Variants in TLK1 observed in about 807,000 individuals in gnomAD.
The protein encoded by TLK1 is tousled like kinase 1, also known as serine/threonine-protein kinase tousled-like 1.
A neutral mutation model predicts 105.3 loss-of-function variants in TLK1; 24 were observed. That is an observed-to-expected ratio of 0.23 (90% CI 0.17 to 0.32). The LOEUF (loss-of-function observed/expected upper bound fraction) is 0.32. Among genes scored for constraint, TLK1 ranks in the 10% least tolerant of loss-of-function variants. The probability of loss-of-function intolerance (pLI) is 1.00; values close to 1 mark genes in which losing one functional copy is unlikely to be tolerated. For missense variants in TLK1, 558 were observed against 910.5 expected, an observed-to-expected ratio of 0.61 and a Z score of 4.98; for synonymous variants, 321 against 310.4, an observed-to-expected ratio of 1.03 and a Z score of -0.36.
At chr2:171,101,148 C>T (rs1331976649) in intron 2 of TLK1, among the ~76,000 whole-genome samples, 1 of 151,940 alleles carries the variant, frequency 6.6e-6, no homozygotes. Flanking sequence ...GAGTTTGAGA[C>T]CAGCCTGACC....
chr2:171,153,592 T>C (rs1692124892), intron 1 of TLK1, among the ~76,000 whole-genome samples: 1 of 152,154 alleles, frequency 6.6e-6, no homozygotes, highest in Non-Finnish European at 1.5e-5. Flanking sequence ...TAGTAGACAA[T>C]ATAAATAAAA....
rs1034374879 is a variant in TLK1 at position 171,160,786 on chromosome 2, G to C, written c.-358C>G. On this transcript the variant is annotated 5_prime_UTR_variant, in exon 1 of 21. Transcript: ENST00000431350. The surrounding 1 kb of genome is among the most constrained non-coding windows in gnomAD (Gnocchi z 4.4). The stretch of plus-strand genomic sequence containing the variant: ...GGCTGCGCCGGCCGAGGACACTTCC[G>C]CGGGCGGAACCTGCCGGCACCTCTG... 7.5e-5 allele frequency: 30 copies of C among 401,530 alleles called. No individual in the cohort carries two copies. Among genetic ancestry groups the C allele is most frequent in the Non-Finnish European group, 1.2e-4 (28 of 229,730 alleles). The allele number at this position is 401,530 out of a possible 1,614,324, so 24.9% of individuals were successfully genotyped here.
intron 1 of TLK1, among the ~76,000 whole-genome samples, chr2:171,122,049 C>A (rs1417140435): frequency 6.6e-6 from 1 of 152,158 alleles, no homozygotes; most frequent in Non-Finnish European, 1.5e-5. Flanking sequence ...TGGGTTCAAG[C>A]GATTCTCCTG....
chr2:171,029,733 CAGTTT>C (rs1685948727), intron 11 of TLK1, among the ~76,000 whole-genome samples: 1 of 152,012 alleles, frequency 6.6e-6, no homozygotes, highest in African/African-American at 2.4e-5. Flanking sequence ...GAAAAGTAAT[CAGTTT>C]AATGTATGCA....
At chr2:171,209,058 G>A (rs1693560545) in intron 1 of TLK1, among the ~76,000 whole-genome samples, 2 of 152,158 alleles carry the variant, frequency 1.3e-5, no homozygotes, top group Non-Finnish European at 1.5e-5. Context: ...GGAGAGAATG[G>A]GGAAGCTCTT....
chr2:171,107,623 C>T (rs1173973175), intron 2 of TLK1, among the ~76,000 whole-genome samples: 1 of 152,016 alleles, frequency 6.6e-6, no homozygotes, highest in African/African-American at 2.4e-5. Context: ...CAGAAAAGGA[C>T]GAGGGAAGCC....
In TLK1 at chr2:171,082,948, T is replaced by C. The variant is rs572342962; in HGVS notation, c.259-96A>G. On this transcript the variant is annotated intron_variant, in intron 2 of 20. Transcript: ENST00000431350. ...AACATATTACAAAGTAGATAATCTA[T>C]CTTCATAAATAAATAAAGTATAATT... 268 of 803,324 alleles carry C rather than the reference T, an allele frequency of 3.3e-4. 3 individuals carry two copies. The South Asian group carries it at 4.3e-3, about 13-fold the overall frequency. The allele number at this position is 803,324 out of a possible 1,614,324, so 49.8% of individuals were successfully genotyped here. A position where few individuals can be genotyped will look rare whatever the true frequency, so the allele number is the denominator to read the frequency against.
At chr2:171,016,691 G>A (rs1025610653) in intron 12 of TLK1, among the ~76,000 whole-genome samples, 2 of 152,066 alleles carry the variant, frequency 1.3e-5, no homozygotes, top group African/African-American at 4.8e-5. Context: ...ACAGAAAACA[G>A]AGGTATAAAG....
intron 12 of TLK1, among the ~76,000 whole-genome samples, chr2:171,015,415 AACACACACAC>A (rs56238853): frequency 0.21 from 27,691 of 132,584 alleles, 2,836 homozygotes; most frequent in Non-Finnish European, 0.26. Context: ...TTGGAGTACA[AACACACACAC>A]ACACACACAC....
chr2:171,066,685 T>C (rs1688011957), intron 3 of TLK1, among the ~76,000 whole-genome samples: 1 of 152,262 alleles, frequency 6.6e-6, no homozygotes, highest in Admixed American at 6.5e-5. Flanking sequence ...GTTTTTAATA[T>C]TGATGAAAAT....
At chr2:171,135,953 G>A (rs2105566699) in intron 1 of TLK1, among the ~76,000 whole-genome samples, 1 of 152,314 alleles carries the variant, frequency 6.6e-6, no homozygotes, top group African/African-American at 2.4e-5. Flanking sequence ...ACTGTCAGTA[G>A]GAATGTAAAA....
intron 2 of TLK1, among the ~76,000 whole-genome samples, chr2:171,091,027 A>T (rs1689205725): frequency 6.6e-6 from 1 of 152,224 alleles, no homozygotes; most frequent in African/African-American, 2.4e-5. Context: ...GAGTTGCTAT[A>T]AGATAGGGGA....
intron 1 of TLK1, among the ~76,000 whole-genome samples, chr2:171,227,166 C>T (rs1214423222): frequency 6.6e-6 from 1 of 152,130 alleles, no homozygotes; most frequent in African/African-American, 2.4e-5. Flanking sequence ...CCCTACTACC[C>T]CTCCATGTAG....
chr2:171,051,285 GCCT>G (rs773634796), intron 8 of TLK1, among the ~76,000 whole-genome samples: 3 of 152,068 alleles, frequency 2.0e-5, no homozygotes, highest in Non-Finnish European at 4.4e-5. Flanking sequence ...GATCACCCAA[GCCT>G]CCTCCTTCCT....
intron 2 of TLK1, among the ~76,000 whole-genome samples, chr2:171,099,826 C>T (rs909723867): frequency 6.6e-6 from 1 of 152,090 alleles, no homozygotes; most frequent in African/African-American, 2.4e-5. Context: ...TTTTGGATTC[C>T]CTACCTCATA....
chr2:171,027,384 A>AC (rs1685823918), intron 12 of TLK1, among the ~76,000 whole-genome samples: 1 of 152,192 alleles, frequency 6.6e-6, no homozygotes. Context: ...TATTATTACT[A>AC]CTTCTCTGAA....
intron 18 of TLK1, among the ~76,000 whole-genome samples, chr2:171,003,969 T>C (rs1575503650): frequency 6.6e-6 from 1 of 152,288 alleles, no homozygotes; most frequent in African/African-American, 2.4e-5. Context: ...GTATTTTTTT[T>C]TTCGAGACGG....
In TLK1 at chr2:171,006,159, GC is replaced by G; in HGVS notation, c.1891del (p.Ala631GlnfsTer13). On this transcript the variant is annotated frameshift_variant, in exon 18 of 21. Coordinates refer to ENST00000431350, the MANE Select transcript of TLK1 (RefSeq NM_012290.5). LOFTEE classifies it high-confidence loss of function. The stretch of plus-strand genomic sequence containing the variant: ...GTAATACACTTACCAGTAAGTGCCT[GC>G]CCCCTGGGAAGTTAGATCCATTCCA... ...VDGMDLTSQG[A>X]GTYWYLPPEC... 2 of 1,593,708 alleles carry G rather than the reference GC, an allele frequency of 1.3e-6. No homozygotes were observed. Among genetic ancestry groups the G allele is most frequent in the Non-Finnish European group, 1.7e-6 (2 of 1,171,544 alleles).
intron 3 of TLK1, among the ~76,000 whole-genome samples, chr2:171,069,086 T>C (rs1431552154): frequency 2.0e-5 from 3 of 152,216 alleles, no homozygotes; most frequent in Non-Finnish European, 2.9e-5. Flanking sequence ...ATATCTTAGA[T>C]TGGCAAATTT....
Sources: gnomAD v4.1 joint callset for allele counts (sites outside exome capture counted in the v4.1 genomes callset) on GRCh38, gnomAD v4.1.1 for gene constraint, Gnocchi (gnomAD v3.1) non-coding constraint, MANE v1.5 for transcripts, NCBI Gene and HGNC (gene_info 2026-07-23, HGNC 2026-07-21) for gene names.